Variants in TSGA13 observed in about 807,000 individuals in gnomAD.
The protein encoded by TSGA13 is testis specific 13.
Under a neutral mutation model 35.1 loss-of-function variants are expected in TSGA13, and 37 were observed. That is an observed-to-expected ratio of 1.05 (90% CI 0.81 to 1.39). The LOEUF (loss-of-function observed/expected upper bound fraction) is 1.39. Among genes scored for constraint, TSGA13 ranks in the 40% most tolerant of loss-of-function variants. TSGA13 has a pLI of 0.00. For synonymous variants in TSGA13, 124 were observed against 121.2 expected (o/e 1.02, Z -0.15); for missense variants, 338 against 328.5 (o/e 1.03, Z -0.22).
chr7:130,680,484 CA>C (rs1796518357), intron 4 of TSGA13, among the ~76,000 whole-genome samples: 1 of 145,514 alleles, frequency 6.9e-6, no homozygotes, highest in South Asian at 2.2e-4. Flanking sequence ...CCAGCCTGGG[CA>C]ACAGAGCGAG....
At chr7:130,679,025 T>TCAAA (rs1185614708) in intron 5 of TSGA13, 130 bp downstream of exon 5, 2 of 771,604 alleles carry the variant, frequency 2.6e-6, no homozygotes, top group African/African-American at 3.5e-5. Context: ...AGACCCTATC[T>TCAAA]CAAACAAACA....
chr7:130,674,338 A>T (rs1554463827), intron 5 of TSGA13, among the ~76,000 whole-genome samples: 1 of 150,914 alleles, frequency 6.6e-6, no homozygotes, highest in African/African-American at 2.4e-5. Flanking sequence ...ACGCCCAGTT[A>T]ATTTTTGTAT....
chr7:130,686,403 C>A lies in TSGA13; in HGVS notation c.-292G>T, dbSNP rs142690342. 1.3e-5 allele frequency: 2 copies of A among 152,136 alleles called. No homozygotes were observed. Among genetic ancestry groups the A allele is most frequent in the African/African-American group, 4.8e-5 (2 of 41,418 alleles). 9.4% of individuals were successfully genotyped at this position (152,136 alleles called of 1,614,324 possible). A position where few individuals can be genotyped will look rare whatever the true frequency, so the allele number is the denominator to read the frequency against. ...AAAACAAATCACACAAACACTAAAA[C>A]TACATTCAAAATAAGAATGTAAAAA... is the stretch of plus-strand genomic sequence containing the variant. On this transcript the variant is annotated 5_prime_UTR_variant, in exon 1 of 8. It removes the in-frame stop codon of an upstream open reading frame in the 5' UTR. Transcript: ENST00000356588.
intron 4 of TSGA13, 68 bp from the exon 5 acceptor site, chr7:130,679,435 G>A (rs1796489660): frequency 1.5e-6 from 2 of 1,378,474 alleles, no homozygotes; most frequent in South Asian, 2.6e-5. Flanking sequence ...CAAATCGGTT[G>A]GCTGATACTT....
At chr7:130,678,603 G>C (rs60798712) in intron 5 of TSGA13, among the ~76,000 whole-genome samples, 1 of 152,178 alleles carries the variant, frequency 6.6e-6, no homozygotes, top group South Asian at 2.1e-4. Context: ...TTTGGCCAAA[G>C]AAGAACACTT....
At chr7:130,670,695 C>G (rs1796246053) in intron 7 of TSGA13, among the ~76,000 whole-genome samples, 1 of 152,194 alleles carries the variant, frequency 6.6e-6, no homozygotes, top group African/African-American at 2.4e-5. Flanking sequence ...TCACAGCTAA[C>G]TGCAACCTTG....
In TSGA13 at chr7:130,686,532, C is replaced by G. The variant is rs944086716; in HGVS notation, c.-421G>C. 3.3e-5 allele frequency: 5 copies of G among 151,736 alleles called. No homozygotes were observed. The highest frequency in any genetic ancestry group is 1.2e-4 in the African/African-American group (5 of 41,278). The allele number at this position is 151,736 out of a possible 1,614,324, so 9.4% of individuals were successfully genotyped here. On this transcript the variant is annotated 5_prime_UTR_variant, in exon 1 of 8. Coordinates refer to ENST00000356588, the MANE Select transcript of TSGA13 (RefSeq NM_052933.4). ...CCATTTTGAAAATATCGTAATTATTCTTTTCTGGATTCTGGAGGAGACAGA... is the reference window on the plus strand; with the variant it reads ...CCATTTTGAAAATATCGTAATTATTGTTTTCTGGATTCTGGAGGAGACAGA...
rs1796165739 is a variant in TSGA13, at chr7:130,668,793, T to C, written c.*221A>G. On this transcript the variant is annotated 3_prime_UTR_variant, in exon 8 of 8. Transcript: ENST00000356588. Reference sequence around the variant, plus strand: ...GCCGGTTGGGCCGCCGCGCCTTCACTCGGGGCCAAGGCCCGCCCTCCCCGG... The same window carrying C: ...GCCGGTTGGGCCGCCGCGCCTTCACCCGGGGCCAAGGCCCGCCCTCCCCGG... The C allele has an allele frequency of 1.4e-5, 18 of 1,320,186 alleles. No individual in the cohort carries two copies. The highest frequency in any genetic ancestry group is 2.0e-6 in the Non-Finnish European group (2 of 986,666). 81.8% of individuals were successfully genotyped at this position (1,320,186 alleles called of 1,614,324 possible).
At chr7:130,677,833 A>C (rs1273610601) in intron 5 of TSGA13, among the ~76,000 whole-genome samples, 1 of 152,048 alleles carries the variant, frequency 6.6e-6, no homozygotes, top group Non-Finnish European at 1.5e-5. Flanking sequence ...GTCATGGGTC[A>C]CTTCCCTACT....
intron 7 of TSGA13, among the ~76,000 whole-genome samples, chr7:130,671,078 T>C (rs1796257458): frequency 6.6e-6 from 1 of 152,132 alleles, no homozygotes; most frequent in African/African-American, 2.4e-5. Flanking sequence ...CATACAACCT[T>C]ATTCCAAGCC....
intron 5 of TSGA13, among the ~76,000 whole-genome samples, chr7:130,674,449 G>A (rs542230220): frequency 6.6e-6 from 1 of 152,188 alleles, no homozygotes; most frequent in East Asian, 1.9e-4. Context: ...GGGATTACAG[G>A]CATGAGCCAC....
intron 7 of TSGA13, among the ~76,000 whole-genome samples, chr7:130,670,861 C>T (rs1351243259): frequency 1.3e-5 from 2 of 152,082 alleles, no homozygotes; most frequent in African/African-American, 4.8e-5. Flanking sequence ...CCCTGGCCTC[C>T]AGCAATCCTC....
At chr7:130,670,093 T>G (rs887897327) in intron 7 of TSGA13, among the ~76,000 whole-genome samples, 1 of 152,204 alleles carries the variant, frequency 6.6e-6, no homozygotes, top group African/African-American at 2.4e-5. Flanking sequence ...TAAAGCAAGA[T>G]CAATCATTCT....
At position 130,672,771 on chromosome 7, in the gene TSGA13, A is replaced by G. The variant is rs1554463423; in HGVS notation, c.493T>C (p.Ser165Pro). 4 of 1,614,160 alleles carry G rather than the reference A, an allele frequency of 2.5e-6. No individual in the cohort carries two copies. Among genetic ancestry groups the G allele is most frequent in the Non-Finnish European group, 3.4e-6 (4 of 1,180,014 alleles). Residue 165 changes from serine (S) to proline (P), a missense_variant, in exon 6 of 8, where the codon TCG (serine) becomes CCG (proline). Coordinates refer to ENST00000356588, the MANE Select transcript of TSGA13 (RefSeq NM_052933.4). ...TCTCGCTTGGATGTGGGATCATCCG[A>G]CAGTATCAAAGGGAAGATTGGTTTC... ...KLKPIFPLIL[S>P]DDPTSKREQW...
intron 3 of TSGA13, 58 bp downstream of exon 3, chr7:130,683,536 G>C (rs1238570816): frequency 1.4e-6 from 2 of 1,479,858 alleles, no homozygotes; most frequent in East Asian, 4.6e-5. Flanking sequence ...AGCTTATTAA[G>C]TACACTAAGC....
chr7:130,680,048 G>A (rs1027521951), intron 4 of TSGA13, among the ~76,000 whole-genome samples: 33 of 152,200 alleles, frequency 2.2e-4, no homozygotes, highest in African/African-American at 7.5e-4. Flanking sequence ...AAGGTACGAG[G>A]GAAAGCTACC....
At position 130,669,188 on chromosome 7, in the gene TSGA13, G is replaced by A; in HGVS notation, c.659-5C>T. On this transcript the variant is annotated splice_region_variant and splice_polypyrimidine_tract_variant and intron_variant, in intron 7 of 7. Coordinates refer to ENST00000356588, the MANE Select transcript of TSGA13 (RefSeq NM_052933.4). ...CACTCGCTGACTTCTTGGAAGCTACGACAAAGCACAGGCACCCTGGTGAAT... is the reference window on the plus strand; with the variant it reads ...CACTCGCTGACTTCTTGGAAGCTACAACAAAGCACAGGCACCCTGGTGAAT... 1 of 1,614,190 alleles carries A rather than the reference G, an allele frequency of 6.2e-7. No individual in the cohort carries two copies.
chr7:130,671,587 A>G (rs1554462952), intron 7 of TSGA13, 74 bp downstream of exon 7: 1 of 1,414,464 alleles, frequency 7.1e-7, no homozygotes, highest in African/African-American at 1.5e-5. Flanking sequence ...TGCCACATCT[A>G]TAATCCTCAT....
chr7:130,668,978 C>T lies in TSGA13; in HGVS notation c.*36G>A, dbSNP rs1554462354. 6.2e-7 allele frequency: 1 copy of T among 1,609,086 alleles called. No individual in the cohort carries two copies. The highest frequency in any genetic ancestry group is 8.5e-7 in the Non-Finnish European group (1 of 1,177,512). On this transcript the variant is annotated 3_prime_UTR_variant, in exon 8 of 8. Coordinates refer to ENST00000356588, the MANE Select transcript of TSGA13 (RefSeq NM_052933.4). ...GCGACTTCTGCGGACCCCTCAGTCT[C>T]AAGAGAGCGAGGCGGGAGGACTGAG...
Sources: gnomAD v4.1 joint callset for allele counts (sites outside exome capture counted in the v4.1 genomes callset) on GRCh38, gnomAD v4.1.1 for gene constraint, MANE v1.5 for transcripts, NCBI Gene and HGNC (gene_info 2026-07-23, HGNC 2026-07-21) for gene names.